The following TMEM127 variants were observed in gnomAD, a reference collection of about 807,000 sequenced individuals.
TMEM127 encodes transmembrane protein 127.
In TMEM127, 21 loss-of-function variants were observed where a neutral mutation model predicts 20.1. The observed-to-expected ratio is 1.04, with a 90% CI of 0.74 to 1.50. The LOEUF (loss-of-function observed/expected upper bound fraction) is 1.50, where lower values mean the gene tolerates loss of function less well. Among genes scored for constraint, TMEM127 ranks in the 40% most tolerant of loss-of-function variants. TMEM127 has a pLI of 0.00. For synonymous variants in TMEM127, 150 were observed against 144.7 expected (o/e 1.04, Z -0.26); for missense variants, 303 against 317.4 (o/e 0.95, Z 0.34).
chr2:96,264,236 G>A (rs952841747), intron 2 of TMEM127, among the ~76,000 whole-genome samples: 2 of 152,188 alleles, frequency 1.3e-5, no homozygotes, highest in South Asian at 2.1e-4. Context: ...TTCTTCAGGA[G>A]GTAACACGCA....
intron 2 of TMEM127, among the ~76,000 whole-genome samples, chr2:96,260,827 C>T (rs1684299473): frequency 6.6e-6 from 1 of 152,210 alleles, no homozygotes; most frequent in African/African-American, 2.4e-5. Context: ...GCAACCTGCT[C>T]AGCGTCTCCT....
chr2:96,257,366 G>A (rs1162330885), intron 2 of TMEM127, among the ~76,000 whole-genome samples: 12 of 152,020 alleles, frequency 7.9e-5, no homozygotes, highest in African/African-American at 2.9e-4. Flanking sequence ...GGGGGCTGAG[G>A]CAGGAGAATC....
chr2:96,256,989 G>A (rs533158896), intron 2 of TMEM127, among the ~76,000 whole-genome samples: 2 of 152,264 alleles, frequency 1.3e-5, no homozygotes, highest in South Asian at 4.1e-4. Flanking sequence ...CAGTGCCAAC[G>A]TGCACACGTC....
chr2:96,264,366 A>G (rs1684370204), intron 2 of TMEM127, among the ~76,000 whole-genome samples: 1 of 152,232 alleles, frequency 6.6e-6, no homozygotes, highest in Admixed American at 6.5e-5. Context: ...AGATGGCTCA[A>G]AAGACCTTGG....
chr2:96,260,009 TAGAG>T (rs1043392568), intron 2 of TMEM127, among the ~76,000 whole-genome samples: 6 of 152,232 alleles, frequency 3.9e-5, no homozygotes, highest in African/African-American at 1.4e-4. Context: ...GACAATATGA[TAGAG>T]AGAAGAGACT....
At position 96,252,402 on chromosome 2, in the gene TMEM127, C is replaced by T. The variant is rs534881507; in HGVS notation, c.*1406G>A. The T allele has an allele frequency of 4.3e-6, 1 of 233,602 alleles. No individual in the cohort carries two copies. Among genetic ancestry groups the T allele is most frequent in the African/African-American group, 2.2e-5 (1 of 45,500 alleles). The allele number at this position is 233,602 out of a possible 1,614,324, so 14.5% of individuals were successfully genotyped here. A position where few individuals can be genotyped will look rare whatever the true frequency, so the allele number is the denominator to read the frequency against. On this transcript the variant is annotated 3_prime_UTR_variant, in exon 4 of 4. Transcript: ENST00000258439. This position sits in a 1 kb window ranked among gnomAD's most constrained non-coding sequence, Gnocchi z 4.2. The stretch of plus-strand genomic sequence containing the variant: ...AGGACAGGTTGGCCATCTGGATCTA[C>T]ACTGAAGGTCTTTCAAGTTTCATCC...
intron 3 of TMEM127, 76 bp downstream of exon 3, chr2:96,254,757 C>T: frequency 1.3e-6 from 2 of 1,585,586 alleles, no homozygotes; most frequent in Middle Eastern, 2.1e-4. Context: ...AAACCAGAGC[C>T]CCCACCGGCA....
intron 2 of TMEM127, among the ~76,000 whole-genome samples, chr2:96,261,462 T>C (rs1684311367): frequency 6.6e-6 from 1 of 152,072 alleles, no homozygotes; most frequent in Non-Finnish European, 1.5e-5. Context: ...GATGGGTTCT[T>C]TGGAGCCAGC....
At chr2:96,263,860 A>G (rs1477345748) in intron 2 of TMEM127, among the ~76,000 whole-genome samples, 4 of 152,154 alleles carry the variant, frequency 2.6e-5, no homozygotes, top group African/African-American at 9.7e-5. Flanking sequence ...GTACAGGGCA[A>G]TGTGCTAAAA....
rs1684132483 is a variant in TMEM127 at position 96,253,461 on chromosome 2, G to A, written c.*347C>T. On this transcript the variant is annotated 3_prime_UTR_variant, in exon 4 of 4. Transcript: ENST00000258439. This position sits in a 1 kb window ranked among gnomAD's most constrained non-coding sequence, Gnocchi z 4.3. Reference sequence around the variant, plus strand: ...TGGGCCCTTTGACACTTGTTTTTGGGACTGTCCGCTCTCAGCAGCTCTCCA... The same window carrying A: ...TGGGCCCTTTGACACTTGTTTTTGGAACTGTCCGCTCTCAGCAGCTCTCCA... The A allele has an allele frequency of 3.2e-5, 11 of 342,826 alleles. 2 individuals carry two copies. In the South Asian group the frequency reaches 5.8e-4, roughly 18 times the overall value. 21.2% of individuals were successfully genotyped at this position (342,826 alleles called of 1,614,324 possible).
chr2:96,263,958 G>A (rs1349187682), intron 2 of TMEM127, among the ~76,000 whole-genome samples: 3 of 152,124 alleles, frequency 2.0e-5, no homozygotes, highest in African/African-American at 4.8e-5. Flanking sequence ...GGCCTCTGTC[G>A]TGTGCATAAC....
chr2:96,263,163 G>A (rs568722018), intron 2 of TMEM127, among the ~76,000 whole-genome samples: 1 of 147,806 alleles, frequency 6.8e-6, no homozygotes, highest in East Asian at 2.1e-4. Flanking sequence ...CAAGCGATTC[G>A]CCTGCCTCAG....
In TMEM127 at chr2:96,265,128, G is replaced by C; in HGVS notation, c.244+10C>G. ...CCGAGGCTTTAAGGGCCAGCGCGCA[G>C]CACCCTCACCTTTCAGCAGGTCCGG... is the stretch of plus-strand genomic sequence containing the variant. On this transcript the variant is annotated intron_variant, in intron 2 of 3. Coordinates refer to ENST00000258439, the MANE Select transcript of TMEM127 (RefSeq NM_017849.4). 1 of 1,612,096 alleles carries C rather than the reference G, an allele frequency of 6.2e-7. No individual in the cohort carries two copies. Among genetic ancestry groups the C allele is most frequent in the Non-Finnish European group, 8.5e-7 (1 of 1,179,790 alleles).
intron 2 of TMEM127, among the ~76,000 whole-genome samples, chr2:96,264,823 C>A (rs1684380462): frequency 6.6e-6 from 1 of 152,204 alleles, no homozygotes. Context: ...TTCACAGGAT[C>A]CTTAGAAGAG....
At position 96,251,240 on chromosome 2, in the gene TMEM127, A is replaced by T; in HGVS notation, c.*2568T>A. The T allele has an allele frequency of 4.8e-6, 1 of 210,492 alleles. No homozygotes were observed. The highest frequency in any genetic ancestry group is 9.6e-6 in the Non-Finnish European group (1 of 103,632). 13.0% of individuals were successfully genotyped at this position (210,492 alleles called of 1,614,324 possible). A position where few individuals can be genotyped will look rare whatever the true frequency, so the allele number is the denominator to read the frequency against. On this transcript the variant is annotated 3_prime_UTR_variant, in exon 4 of 4. Coordinates refer to ENST00000258439, the MANE Select transcript of TMEM127 (RefSeq NM_017849.4). ...ACTATTTTAAATTACATCTTTGGCC[A>T]GGCACGGTGGTTCATGCCTATAATC...
In TMEM127 at chr2:96,249,731, C is replaced by T. The variant is rs1684048896; in HGVS notation, c.*4077G>A. On this transcript the variant is annotated 3_prime_UTR_variant, in exon 4 of 4. Coordinates refer to ENST00000258439, the MANE Select transcript of TMEM127 (RefSeq NM_017849.4). ...ACAGGGGCATGAAGTTTGTCAGTTC[C>T]CTTCTGTCTCCCCATAGCATCTGTG... 4.3e-6 allele frequency: 1 copy of T among 233,068 alleles called. No individual in the cohort carries two copies. The highest frequency in any genetic ancestry group is 8.5e-6 in the Non-Finnish European group (1 of 117,990). 14.4% of individuals were successfully genotyped at this position (233,068 alleles called of 1,614,324 possible).
chr2:96,252,389 C>G lies in TMEM127; in HGVS notation c.*1419G>C, dbSNP rs1061578. On this transcript the variant is annotated 3_prime_UTR_variant, in exon 4 of 4. Transcript: ENST00000258439. The surrounding 1 kb of genome is among the most constrained non-coding windows in gnomAD (Gnocchi z 4.2). ...AAGTAACTTAACAAGGACAGGTTGG[C>G]CATCTGGATCTACACTGAAGGTCTT... 1 of 233,522 alleles carries G rather than the reference C, an allele frequency of 4.3e-6. No individual in the cohort carries two copies. Among genetic ancestry groups the G allele is most frequent in the South Asian group, 1.8e-4 (1 of 5,526 alleles). The allele number at this position is 233,522 out of a possible 1,614,324, so 14.5% of individuals were successfully genotyped here. A position where few individuals can be genotyped will look rare whatever the true frequency, so the allele number is the denominator to read the frequency against.
At chr2:96,255,891 G>T (rs1377821469) in intron 2 of TMEM127, among the ~76,000 whole-genome samples, 2 of 151,938 alleles carry the variant, frequency 1.3e-5, no homozygotes, top group African/African-American at 4.8e-5. Context: ...GAGGCAAGAG[G>T]ACTGCTTGCG....
At chr2:96,255,256 T>A (rs186865041) in intron 2 of TMEM127, among the ~76,000 whole-genome samples, 2 of 152,336 alleles carry the variant, frequency 1.3e-5, no homozygotes, top group Admixed American at 6.5e-5. Context: ...TCTACTTCAC[T>A]GTGTATGCCA....
Sources: gnomAD v4.1 joint callset for allele counts (sites outside exome capture counted in the v4.1 genomes callset) on GRCh38, gnomAD v4.1.1 for gene constraint, Gnocchi (gnomAD v3.1) non-coding constraint, MANE v1.5 for transcripts, NCBI Gene and HGNC (gene_info 2026-07-23, HGNC 2026-07-21) for gene names.